NUP107: variants seen among roughly 807,000 people sequenced by gnomAD.
NUP107 encodes the protein nucleoporin 107, also known as nuclear pore complex protein Nup107.
NUP107 carries 101 observed loss-of-function variants against 141.0 expected under a neutral mutation model. The ratio of observed to expected loss-of-function variants is 0.72; its 90% CI spans 0.61 to 0.84. The LOEUF is 0.84. Ranked by LOEUF, NUP107 falls within the 40% of genes least tolerant of loss-of-function variation. The pLI, the probability that NUP107 is intolerant of heterozygous loss-of-function variation, is 0.00. For missense variants in NUP107, 941 were observed against 1,102.7 expected (o/e 0.85, Z 2.08); for synonymous variants, 319 against 363.9 (o/e 0.88, Z 1.41).
Position 68,733,598 on chromosome 12 carries a change from A to C in NUP107, c.2248A>C (p.Ile750Leu). ...DDNAIREHLC[I>L]RAYLEAHETF... is the part of the protein sequence containing the mutation. ...TAATGCTATCCGAGAACATTTGTGC[A>C]TCAGAGCTTATTTGGTGAGACTGTA... The change falls in exon 24 of 28, where the codon ATC becomes CTC. Residue 750 changes from isoleucine to leucine, a missense_variant. Transcript: ENST00000229179. The C allele has an allele frequency of 1.2e-6, 2 of 1,610,962 alleles. No individual in the cohort carries two copies. The highest frequency in any genetic ancestry group is 1.7e-6 in the Non-Finnish European group (2 of 1,178,782).
intron 2 of NUP107, among the ~76,000 whole-genome samples, chr12:68,689,314 A>G (rs530907029): frequency 1.3e-5 from 2 of 152,340 alleles, no homozygotes; most frequent in African/African-American, 4.8e-5. Context: ...AAAACTGACT[A>G]AAAACATTTA....
At chr12:68,690,347 G>A (rs896927925) in intron 3 of NUP107, 1 of 430,930 alleles carries the variant, frequency 2.3e-6, no homozygotes, top group Middle Eastern at 6.5e-4. Flanking sequence ...TGAAGAATCC[G>A]TTGACTGATT....
At chr12:68,698,027 CAAA>C (rs923201946) in intron 6 of NUP107, among the ~76,000 whole-genome samples, 8 of 93,602 alleles carry the variant, frequency 8.5e-5, no homozygotes, top group Admixed American at 1.2e-4. Context: ...GACTCCATCT[CAAA>C]AAAAAAAAAA....
At chr12:68,687,447 C>G in intron 1 of NUP107, 1 of 1,076,878 alleles carries the variant, frequency 9.3e-7, no homozygotes, top group Non-Finnish European at 1.1e-6. Flanking sequence ...CCCAGACTTT[C>G]TGATTACAAG....
chr12:68,705,839 A>C, intron 8 of NUP107: 1 of 774,596 alleles, frequency 1.3e-6, no homozygotes, highest in Non-Finnish European at 2.4e-6. Context: ...GTCACGGTCA[A>C]CCAGAGCCTG....
chr12:68,721,751 T>C, intron 15 of NUP107, 90 bp from the exon 16 acceptor site: 1 of 1,266,292 alleles, frequency 7.9e-7, no homozygotes, highest in Non-Finnish European at 1.1e-6. Context: ...TATAAAGTGA[T>C]TTTATAGTCT....
chr12:68,694,451 G>C (rs949351268), intron 5 of NUP107, among the ~76,000 whole-genome samples: 3 of 152,126 alleles, frequency 2.0e-5, no homozygotes, highest in Non-Finnish European at 2.9e-5. Flanking sequence ...TTTTGTGCAC[G>C]AAAGAATACA....
At position 68,696,888 on chromosome 12, in the gene NUP107, T is replaced by C; in HGVS notation, c.518T>C (p.Leu173Pro). The change falls in exon 6 of 28, where the codon CTT (leucine) becomes CCT (proline). Residue 173 changes from leucine to proline, a missense_variant. Transcript: ENST00000229179. ...LKHSSSTVFD[L>P]VEEYENICGS... ...CACTCTTCGAGTACAGTTTTTGATC[T>C]TGTGGAAGAGTATGAAAACATCTGT... 14 of 1,610,338 alleles carry C rather than the reference T, an allele frequency of 8.7e-6. No individual in the cohort carries two copies. Among genetic ancestry groups the C allele is most frequent in the Non-Finnish European group, 1.2e-5 (14 of 1,177,974 alleles).
intron 17 of NUP107, among the ~76,000 whole-genome samples, chr12:68,722,836 T>C (rs1877412233): frequency 6.6e-6 from 1 of 152,244 alleles, no homozygotes. Context: ...ATGTATGATT[T>C]ATTTTAATCA....
At chr12:68,691,280 C>G (rs909360705) in intron 4 of NUP107, among the ~76,000 whole-genome samples, 1 of 152,036 alleles carries the variant, frequency 6.6e-6, no homozygotes, top group Non-Finnish European at 1.5e-5. Flanking sequence ...GTTTGCTGAC[C>G]AGAAGAAGTA....
At chr12:68,731,759 A>G (rs1877841830) in intron 22 of NUP107, 40 bp downstream of exon 22, 2 of 1,088,272 alleles carry the variant, frequency 1.8e-6, no homozygotes, top group Admixed American at 2.6e-5. Flanking sequence ...TATAACTTCT[A>G]ATAATCTTTT....
chr12:68,738,147 GT>G (rs1878155236), intron 26 of NUP107, among the ~76,000 whole-genome samples: 1 of 152,118 alleles, frequency 6.6e-6, no homozygotes, highest in Non-Finnish European at 1.5e-5. Context: ...ATGGTGGCAC[GT>G]GCCTGTAGTC....
chr12:68,742,284 G>T, intron 27 of NUP107, 71 bp from the exon 28 acceptor site: 1 of 961,432 alleles, frequency 1.0e-6, no homozygotes, highest in South Asian at 1.4e-5. Context: ...TAATCAGATC[G>T]ATTAGGTAAC....
At chr12:68,696,792 C>CT (rs1482162825) in intron 5 of NUP107, 27 bp from the exon 6 acceptor site, 4 of 1,122,684 alleles carry the variant, frequency 3.6e-6, no homozygotes, top group Non-Finnish European at 5.1e-6. Context: ...TTTCTTTATT[C>CT]CTTTTTTTTT....
At chr12:68,690,798 C>A in intron 4 of NUP107, 52 bp downstream of exon 4, 2 of 1,576,056 alleles carry the variant, frequency 1.3e-6, no homozygotes, top group Non-Finnish European at 1.7e-6. Context: ...TGTGGTGGCT[C>A]ACATCTGTAA....
chr12:68,687,178 G>A, intron 1 of NUP107, 105 bp downstream of exon 1: 2 of 1,508,934 alleles, frequency 1.3e-6, no homozygotes, highest in East Asian at 2.3e-5. Context: ...AGGAGGTCCC[G>A]GGTGCTTCCC....
At chr12:68,706,938 T>C in intron 8 of NUP107, 1 of 683,352 alleles carries the variant, frequency 1.5e-6, no homozygotes. Context: ...AGCTACAGCC[T>C]GGACTCCAGC....
chr12:68,706,587 G>A, intron 8 of NUP107: 1 of 689,254 alleles, frequency 1.5e-6, no homozygotes, highest in Admixed American at 2.0e-5. Flanking sequence ...GCTCCAGGAT[G>A]AGATTGAGGG....
intron 14 of NUP107, among the ~76,000 whole-genome samples, chr12:68,720,360 T>G (rs1477460146): frequency 6.6e-6 from 1 of 152,098 alleles, no homozygotes; most frequent in Non-Finnish European, 1.5e-5. Context: ...GGTAGAAGCT[T>G]TAGGGCACAT....
Sources: allele counts gnomAD v4.1 joint callset (sites outside exome capture counted in the v4.1 genomes callset), GRCh38; gene constraint gnomAD v4.1.1; transcripts MANE v1.5; gene names NCBI Gene and HGNC (gene_info 2026-07-23, HGNC 2026-07-21).